SNX9: variants seen among roughly 807,000 people sequenced by gnomAD.
The protein encoded by SNX9 is sorting nexin-9.
A neutral mutation model predicts 89.4 loss-of-function variants in SNX9; 44 were observed. The ratio of observed to expected loss-of-function variants is 0.49; its 90% CI spans 0.39 to 0.63. The LOEUF (loss-of-function observed/expected upper bound fraction) is 0.63, where lower values mean the gene tolerates loss of function less well. Ranked by LOEUF, SNX9 falls within the 30% of genes least tolerant of loss-of-function variation. SNX9 has a pLI of 0.00. For missense variants in SNX9, 578 were observed against 736.1 expected (o/e 0.79, Z 2.49); for synonymous variants, 236 against 247.8 (o/e 0.95, Z 0.45).
chr6:157,879,037 G>A (rs1042133978), intron 4 of SNX9, among the ~76,000 whole-genome samples: 7 of 152,152 alleles, frequency 4.6e-5, no homozygotes, highest in African/African-American at 1.7e-4. Flanking sequence ...ATACAGGTGT[G>A]GTCAGACAGG....
chr6:157,919,858 C>T (rs1187474967), intron 9 of SNX9, among the ~76,000 whole-genome samples: 1 of 152,100 alleles, frequency 6.6e-6, no homozygotes, highest in Non-Finnish European at 1.5e-5. Context: ...TCTGAGTTTA[C>T]CTCTCTGAAG....
intron 17 of SNX9, 68 bp downstream of exon 17, chr6:157,941,042 A>G (rs1784026196): frequency 5.3e-6 from 7 of 1,324,438 alleles, no homozygotes; most frequent in Non-Finnish European, 6.5e-6. Context: ...CACTTTGACC[A>G]TGTAAAGTTA....
At chr6:157,854,381 G>A (rs1051061759) in intron 1 of SNX9, among the ~76,000 whole-genome samples, 9 of 152,186 alleles carry the variant, frequency 5.9e-5, no homozygotes, top group Admixed American at 2.0e-4. Flanking sequence ...GAACAAAGTA[G>A]CTATGCTGAT....
intron 4 of SNX9, among the ~76,000 whole-genome samples, chr6:157,880,805 C>CT (rs1782607770): frequency 6.6e-6 from 1 of 152,178 alleles, no homozygotes; most frequent in Non-Finnish European, 1.5e-5. Context: ...GCCAGACTGT[C>CT]TAGGTTTTAA....
chr6:157,869,205 C>T (rs1005298314), intron 2 of SNX9, among the ~76,000 whole-genome samples: 3 of 152,246 alleles, frequency 2.0e-5, no homozygotes, highest in East Asian at 1.9e-4. Flanking sequence ...CTCTGCCTCA[C>T]GAGTGTTGGG....
intron 10 of SNX9, among the ~76,000 whole-genome samples, chr6:157,926,644 T>C (rs995261321): frequency 2.0e-5 from 3 of 151,840 alleles, no homozygotes; most frequent in African/African-American, 7.3e-5. Flanking sequence ...TAGCCAGGCA[T>C]GGTGGCATGC....
At chr6:157,931,875 C>G (rs907909340) in intron 12 of SNX9, among the ~76,000 whole-genome samples, 3 of 152,200 alleles carry the variant, frequency 2.0e-5, no homozygotes, top group African/African-American at 7.2e-5. Context: ...TCATGATGAT[C>G]AAGCGCGGTG....
At chr6:157,913,957 G>A (rs756424200) in intron 9 of SNX9, among the ~76,000 whole-genome samples, 33 of 143,898 alleles carry the variant, frequency 2.3e-4, no homozygotes, top group Non-Finnish European at 3.4e-4. Context: ...GTAAACATTT[G>A]CATACAGGTT....
intron 1 of SNX9, among the ~76,000 whole-genome samples, chr6:157,843,014 A>G: frequency 6.6e-6 from 1 of 152,218 alleles, no homozygotes; most frequent in East Asian, 1.9e-4. Context: ...GCCTGTGCTC[A>G]GGAATGAACA....
chr6:157,919,966 T>C (rs1343494638), intron 9 of SNX9, among the ~76,000 whole-genome samples: 1 of 152,132 alleles, frequency 6.6e-6, no homozygotes, highest in Admixed American at 6.5e-5. Flanking sequence ...TTTGTTTGTT[T>C]GTTTGTTTGT....
intron 17 of SNX9, among the ~76,000 whole-genome samples, chr6:157,941,850 GAAC>G (rs1784042840): frequency 6.6e-6 from 1 of 152,228 alleles, no homozygotes. Flanking sequence ...CTTACGGGAG[GAAC>G]TCACCTAAGC....
chr6:157,872,894 A>T, intron 2 of SNX9: 1 of 413,170 alleles, frequency 2.4e-6, no homozygotes, highest in Non-Finnish European at 4.3e-6. Context: ...TTATTATTGA[A>T]GTTTGATTTT....
chr6:157,832,755 G>T (rs938041503), intron 1 of SNX9, among the ~76,000 whole-genome samples: 1 of 152,114 alleles, frequency 6.6e-6, no homozygotes, highest in African/African-American at 2.4e-5. Flanking sequence ...GGGGGTAACT[G>T]CCCCCATGAT....
chr6:157,869,826 G>A (rs1172058905), intron 2 of SNX9, among the ~76,000 whole-genome samples: 1 of 151,684 alleles, frequency 6.6e-6, no homozygotes, highest in African/African-American at 2.4e-5. Context: ...GTACTCTCAC[G>A]CACTCTCTCA....
At chr6:157,840,863 A>G (rs1781690005) in intron 1 of SNX9, among the ~76,000 whole-genome samples, 1 of 152,238 alleles carries the variant, frequency 6.6e-6, no homozygotes, top group South Asian at 2.1e-4. Context: ...CTGAAAGTGA[A>G]TACAAACGGC....
At chr6:157,830,696 T>A (rs1781463446) in intron 1 of SNX9, 1 of 152,220 alleles carries the variant, frequency 6.6e-6, no homozygotes, top group Non-Finnish European at 1.5e-5. Flanking sequence ...TTAGTGTGAC[T>A]GAGGAACTGT....
At chr6:157,909,169 C>T (rs1011030827) in intron 7 of SNX9, among the ~76,000 whole-genome samples, 8 of 152,164 alleles carry the variant, frequency 5.3e-5, no homozygotes, top group African/African-American at 1.9e-4. Flanking sequence ...GACCACTTGC[C>T]CATCTGAAAA....
intron 2 of SNX9, among the ~76,000 whole-genome samples, chr6:157,869,578 G>A (rs1327577004): frequency 1.3e-5 from 2 of 152,054 alleles, no homozygotes; most frequent in East Asian, 1.9e-4. Context: ...TCCACCCTGC[G>A]CTTCCTGCCA....
intron 5 of SNX9, among the ~76,000 whole-genome samples, chr6:157,898,465 C>T (rs907759379): frequency 6.6e-6 from 1 of 152,170 alleles, no homozygotes; most frequent in Non-Finnish European, 1.5e-5. Flanking sequence ...TTATTTGTCA[C>T]CTTCTGATTT....
Sources: gnomAD v4.1 joint callset for allele counts (sites outside exome capture counted in the v4.1 genomes callset) on GRCh38, gnomAD v4.1.1 for gene constraint, MANE v1.5 for transcripts, NCBI Gene and HGNC (gene_info 2026-07-23, HGNC 2026-07-21) for gene names.